The following LATS2 variants were observed in gnomAD, a reference collection of about 807,000 sequenced individuals.
The protein encoded by LATS2 is large tumor suppressor kinase 2, also known as serine/threonine-protein kinase LATS2.
Under a neutral mutation model 76.0 loss-of-function variants are expected in LATS2, and 24 were observed. The observed-to-expected ratio is 0.32, with a 90% CI of 0.23 to 0.44. The LOEUF is 0.44. Ranked by LOEUF, LATS2 falls within the 20% of genes least tolerant of loss-of-function variation. LATS2 has a pLI of 1.00. For missense variants in LATS2, 1,286 were observed against 1,481.2 expected, an observed-to-expected ratio of 0.87 and a Z score of 2.16; for synonymous variants, 692 against 635.4, an observed-to-expected ratio of 1.09 and a Z score of -1.34.
chr13:21,061,564 A>G lies in LATS2; in HGVS notation c.-423T>C, dbSNP rs1157244441. Reference sequence around the variant, plus strand: ...CAGACCCAAGTGGGACATTCGCTACATTGTTGGCATTCCACGGGCGTCACG... The same window carrying G: ...CAGACCCAAGTGGGACATTCGCTACGTTGTTGGCATTCCACGGGCGTCACG... On this transcript the variant is annotated 5_prime_UTR_variant, in exon 1 of 8. The change abolishes an upstream ATG in the 5' untranslated region. Coordinates refer to ENST00000382592, the MANE Select transcript of LATS2 (RefSeq NM_014572.3). The G allele has an allele frequency of 6.6e-6, 1 of 152,542 alleles. No homozygotes were observed. Among genetic ancestry groups the G allele is most frequent in the Non-Finnish European group, 1.5e-5 (1 of 68,020 alleles). 9.4% of individuals were successfully genotyped at this position (152,542 alleles called of 1,614,324 possible). A position where few individuals can be genotyped will look rare whatever the true frequency, so the allele number is the denominator to read the frequency against.
intron 4 of LATS2, among the ~76,000 whole-genome samples, chr13:20,985,273 A>T (rs1870089633): frequency 6.6e-6 from 1 of 152,248 alleles, no homozygotes. Context: ...AAATGGGACT[A>T]TATTAAGCTA....
At chr13:21,026,469 A>T (rs1872315458) in intron 2 of LATS2, among the ~76,000 whole-genome samples, 1 of 152,186 alleles carries the variant, frequency 6.6e-6, no homozygotes, top group Admixed American at 6.6e-5. Context: ...GGTTGGTAGC[A>T]TTCTATTGTA....
chr13:20,991,689 C>T lies in LATS2; in HGVS notation c.343-285G>A, dbSNP rs370486084. On this transcript the variant is annotated intron_variant, in intron 2 of 7. Coordinates refer to ENST00000382592, the MANE Select transcript of LATS2 (RefSeq NM_014572.3). The surrounding 1 kb of genome is among the most constrained non-coding windows in gnomAD (Gnocchi z 4.9). ...GGGCCTGAAAGAGACTTAAATTCTG[C>T]TTCTCCTCAGAAAACTTTTGTGGTT... Among the ~76,000 whole-genome samples the T allele has an allele frequency of 1.0e-3, 155 of 152,302 alleles. No homozygotes were observed. The highest frequency in any genetic ancestry group is 3.3e-3 in the African/African-American group (139 of 41,574).
rs1871631759 is a variant in LATS2 at position 21,012,487 on chromosome 13, T to TGA, written c.343-21084_343-21083insTC. 2.0e-5 allele frequency among the ~76,000 whole-genome samples: 3 copies of TGA among 152,244 alleles called. No individual in the cohort carries two copies. The South Asian group carries it at 6.2e-4, about 32-fold the overall frequency. ...TCACAATCTCATGGGACCATCATCA[T>TGA]ACATGTGGCCCGTGGTTGCCCGAAA... On this transcript the variant is annotated intron_variant, in intron 2 of 7. Transcript: ENST00000382592.
At chr13:21,044,723 TG>T in intron 2 of LATS2, among the ~76,000 whole-genome samples, 1 of 135,854 alleles carries the variant, frequency 7.4e-6, no homozygotes, top group Non-Finnish European at 1.7e-5. Context: ...TGTGTGTGTG[TG>T]TGTGTGTGTG....
At chr13:21,056,162 G>T (rs368641859) in intron 1 of LATS2, among the ~76,000 whole-genome samples, 1 of 152,128 alleles carries the variant, frequency 6.6e-6, no homozygotes, top group African/African-American at 2.4e-5. Flanking sequence ...GGGGGGCAGG[G>T]TCTCACTCTG....
At chr13:21,017,199 T>A (rs971661294) in intron 2 of LATS2, among the ~76,000 whole-genome samples, 3 of 152,228 alleles carry the variant, frequency 2.0e-5, no homozygotes, top group Non-Finnish European at 4.4e-5. Flanking sequence ...CCATTAATCA[T>A]CCAACTGTGC....
At chr13:21,035,823 G>A (rs779853028) in intron 2 of LATS2, among the ~76,000 whole-genome samples, 4 of 152,188 alleles carry the variant, frequency 2.6e-5, no homozygotes, top group Non-Finnish European at 4.4e-5. Context: ...GTGATTCCTA[G>A]AGCCCACCTA....
At position 21,046,191 on chromosome 13, in the gene LATS2, T is replaced by C. The variant is rs1873071238; in HGVS notation, c.-165A>G. ...ATTTTTGTAGTTCCTATAGAGAACC[T>C]AAAATTTTCCAAAGTCTTCATTTTG... On this transcript the variant is annotated 5_prime_UTR_variant, in exon 2 of 8. Transcript: ENST00000382592. 2 of 531,402 alleles carry C rather than the reference T, an allele frequency of 3.8e-6. No homozygotes were observed. The highest frequency in any genetic ancestry group is 6.4e-6 in the Non-Finnish European group (2 of 310,318). The allele number at this position is 531,402 out of a possible 1,614,324, so 32.9% of individuals were successfully genotyped here. A position where few individuals can be genotyped will look rare whatever the true frequency, so the allele number is the denominator to read the frequency against.
At chr13:21,007,632 A>ATATAGTGTG (rs1871357602) in intron 2 of LATS2, among the ~76,000 whole-genome samples, 4 of 4,042 alleles carry the variant, frequency 9.9e-4, no homozygotes, top group Non-Finnish European at 1.5e-3. Context: ...GTGTATATAT[A>ATATAGTGTG]TATATATATA....
intron 5 of LATS2, among the ~76,000 whole-genome samples, chr13:20,982,821 G>T (rs1407983485): frequency 6.6e-6 from 1 of 150,852 alleles, no homozygotes; most frequent in African/African-American, 2.4e-5. Flanking sequence ...GAGAAACCCC[G>T]TCTCTACTAA....
intron 2 of LATS2, among the ~76,000 whole-genome samples, chr13:21,043,675 A>G (rs1294601244): frequency 6.6e-6 from 1 of 152,180 alleles, no homozygotes; most frequent in Non-Finnish European, 1.5e-5. Context: ...CGGTGTCATG[A>G]TCCTTACTTT....
intron 2 of LATS2, among the ~76,000 whole-genome samples, chr13:21,033,841 C>T (rs1394161771): frequency 2.0e-5 from 3 of 151,804 alleles, no homozygotes; most frequent in South Asian, 2.1e-4. Context: ...TACAAAACAA[C>T]CTTTATTTCT....
chr13:21,024,188 C>A (rs1595242430), intron 2 of LATS2, among the ~76,000 whole-genome samples: 1 of 150,612 alleles, frequency 6.6e-6, no homozygotes, highest in Middle Eastern at 3.4e-3. Context: ...AATCCAGACA[C>A]TTTGGGAGGC....
intron 7 of LATS2, among the ~76,000 whole-genome samples, chr13:20,978,758 CTTCT>C (rs1458302565): frequency 1.4e-4 from 21 of 152,174 alleles, no homozygotes; most frequent in Middle Eastern, 3.4e-3. Context: ...CCTATTTTCT[CTTCT>C]TTATGATTTT....
chr13:21,053,233 CAAAA>C (rs1194900665), intron 1 of LATS2, among the ~76,000 whole-genome samples: 2 of 38,386 alleles, frequency 5.2e-5, no homozygotes, highest in Non-Finnish European at 1.0e-4. Context: ...GACTCTGTCT[CAAAA>C]AAAAAAAAAA....
intron 1 of LATS2, among the ~76,000 whole-genome samples, chr13:21,060,073 G>A (rs1343955796): frequency 6.6e-6 from 1 of 152,208 alleles, no homozygotes; most frequent in Non-Finnish European, 1.5e-5. Flanking sequence ...GCCAGCCGCC[G>A]AGCTAACTCG....
intron 2 of LATS2, among the ~76,000 whole-genome samples, chr13:21,039,380 T>C (rs984318440): frequency 3.3e-5 from 5 of 152,232 alleles, no homozygotes; most frequent in Non-Finnish European, 7.3e-5. Context: ...TAGCAAAATA[T>C]CTTTAGTACA....
chr13:20,988,349 G>GGGGGCGGGGGCA lies in LATS2; in HGVS notation c.1430_1431insTGCCCCCGCCCC (p.Pro477_Ala480dup). 7.4e-7 allele frequency: 1 copy of GGGGGCGGGGGCA among 1,355,836 alleles called. No individual in the cohort carries two copies. The highest frequency in any genetic ancestry group is 9.4e-7 in the Non-Finnish European group (1 of 1,061,024). 84.0% of individuals were successfully genotyped at this position (1,355,836 alleles called of 1,614,324 possible). Reference sequence around the variant, plus strand: ...CGTCCAAGCCCTCCGCAGCCGGGGCGGGGGCGGGGGCGGGGGCCGGGGCAG... The same window carrying GGGGGCGGGGGCA: ...CGTCCAAGCCCTCCGCAGCCGGGGCGGGGGCGGGGGCAGGGGCGGGGGCGGGGGCCGGGGCAG... On this transcript the variant is annotated inframe_insertion, in exon 4 of 8. Coordinates refer to ENST00000382592, the MANE Select transcript of LATS2 (RefSeq NM_014572.3).
Sources: allele counts gnomAD v4.1 joint callset (sites outside exome capture counted in the v4.1 genomes callset), GRCh38; gene constraint gnomAD v4.1.1; non-coding constraint Gnocchi (gnomAD v3.1); transcripts MANE v1.5; gene names NCBI Gene and HGNC (gene_info 2026-07-23, HGNC 2026-07-21).